The following PPP2R3A variants were observed in gnomAD, a reference collection of about 807,000 sequenced individuals.
PPP2R3A encodes the protein serine/threonine-protein phosphatase 2A regulatory subunit B'' subunit alpha.
Under a neutral mutation model 106.9 loss-of-function variants are expected in PPP2R3A, and 80 were observed. The ratio of observed to expected loss-of-function variants is 0.75; its 90% CI spans 0.62 to 0.90. PPP2R3A has a LOEUF of 0.90. PPP2R3A is among the 40% of genes least tolerant of loss of function. The pLI, the probability that PPP2R3A is intolerant of heterozygous loss-of-function variation, is 0.00. For missense variants in PPP2R3A, 1,386 were observed against 1,350.4 expected, an observed-to-expected ratio of 1.03 and a Z score of -0.41; for synonymous variants, 483 against 468.3, an observed-to-expected ratio of 1.03 and a Z score of -0.41.
chr3:136,001,256 A>T lies in PPP2R3A; in HGVS notation c.-243A>T. ...CTGCAGTATCATAATATTACTAAAT[A>T]AAATTAAAAAGCACAATTATTAAAT... On this transcript the variant is annotated 5_prime_UTR_variant, in exon 2 of 14. Coordinates refer to ENST00000264977, the MANE Select transcript of PPP2R3A (RefSeq NM_002718.5). The T allele has an allele frequency of 2.1e-6, 1 of 479,134 alleles. No individual in the cohort carries two copies. 29.7% of individuals were successfully genotyped at this position (479,134 alleles called of 1,614,324 possible).
At chr3:135,975,091 C>T (rs1200755520) in intron 1 of PPP2R3A, among the ~76,000 whole-genome samples, 1 of 152,228 alleles carries the variant, frequency 6.6e-6, no homozygotes, top group African/African-American at 2.4e-5. Flanking sequence ...CAACATGATA[C>T]ATCTTGGCAG....
chr3:136,056,429 T>C (rs989377631), intron 5 of PPP2R3A, among the ~76,000 whole-genome samples: 4 of 152,130 alleles, frequency 2.6e-5, no homozygotes, highest in Admixed American at 2.0e-4. Flanking sequence ...GCAGGGTATA[T>C]GGGAACTCTC....
At chr3:135,997,805 C>T (rs1051013478) in intron 1 of PPP2R3A, among the ~76,000 whole-genome samples, 6 of 152,136 alleles carry the variant, frequency 3.9e-5, no homozygotes, top group African/African-American at 1.4e-4. Flanking sequence ...TCAGTGCCCT[C>T]CTCTTTGTTA....
At position 136,001,839 on chromosome 3, in the gene PPP2R3A, G is replaced by A; in HGVS notation, c.341G>A (p.Gly114Glu). 6.2e-7 allele frequency: 1 copy of A among 1,614,154 alleles called. No homozygotes were observed. Among genetic ancestry groups the A allele is most frequent in the East Asian group, 2.2e-5 (1 of 44,890 alleles). ...QNTYNLKDIA[G>E]EAISFASGKI... ...ACCTACAACTTAAAGGATATTGCAG[G>A]AGAAGCAATCAGTTTTGCCAGTGGG... The change falls in exon 2 of 14, where the codon GGA becomes GAA. Residue 114 changes from glycine (G) to glutamate (E), a missense_variant. Physicochemically the swap from Gly to Glu is moderately conservative, Grantham distance 98 (BLOSUM62 -2). Transcript: ENST00000264977.
chr3:136,145,031 T>C lies in PPP2R3A; in HGVS notation c.3330-12T>C, dbSNP rs1939057658. On this transcript the variant is annotated splice_polypyrimidine_tract_variant and intron_variant, in intron 13 of 13. Coordinates refer to ENST00000264977, the MANE Select transcript of PPP2R3A (RefSeq NM_002718.5). ...ATCAATCAGTTAATTCACTTTTGCT[T>C]TGTTATTTCAGCTTTGAAGATTATG... 1 of 1,584,096 alleles carries C rather than the reference T, an allele frequency of 6.3e-7. No homozygotes were observed. The highest frequency in any genetic ancestry group is 2.2e-5 in the East Asian group (1 of 44,646).
intron 1 of PPP2R3A, among the ~76,000 whole-genome samples, chr3:135,986,239 A>T (rs938455580): frequency 5.3e-5 from 8 of 152,144 alleles, no homozygotes; most frequent in African/African-American, 1.9e-4. Context: ...ATAACTGCTC[A>T]TGAGTCCCAC....
At chr3:135,994,256 TAGTA>T (rs1933296393) in intron 1 of PPP2R3A, among the ~76,000 whole-genome samples, 1 of 152,210 alleles carries the variant, frequency 6.6e-6, no homozygotes, top group Non-Finnish European at 1.5e-5. Context: ...GAGCTGGAGT[TAGTA>T]AGCCTGGTTT....
chr3:136,073,047 A>G (rs752374596), intron 6 of PPP2R3A, among the ~76,000 whole-genome samples: 17 of 152,128 alleles, frequency 1.1e-4, no homozygotes, highest in Non-Finnish European at 2.4e-4. Flanking sequence ...GGCTCACTGC[A>G]AGCTCCACCT....
rs1937061467 is a variant in PPP2R3A, at chr3:135,965,766, C to G, written c.-524C>G. 1 of 152,184 alleles carries G rather than the reference C, an allele frequency of 6.6e-6. No individual in the cohort carries two copies. Among genetic ancestry groups the G allele is most frequent in the Non-Finnish European group, 1.5e-5 (1 of 68,066 alleles). The allele number at this position is 152,184 out of a possible 1,614,324, so 9.4% of individuals were successfully genotyped here. On this transcript the variant is annotated 5_prime_UTR_variant, in exon 1 of 14. Coordinates refer to ENST00000264977, the MANE Select transcript of PPP2R3A (RefSeq NM_002718.5). Reference sequence around the variant, plus strand: ...CGCTCTTCACGCGCCGCATTCGTAGCCCGAGAGTCCGCGCCGCGGGGAGGC... The same window carrying G: ...CGCTCTTCACGCGCCGCATTCGTAGGCCGAGAGTCCGCGCCGCGGGGAGGC...
At chr3:136,045,836 A>G (rs1200678158) in intron 4 of PPP2R3A, among the ~76,000 whole-genome samples, 2 of 152,260 alleles carry the variant, frequency 1.3e-5, no homozygotes, top group African/African-American at 4.8e-5. Context: ...GCACCAAAAA[A>G]TTCCAGCATG....
intron 10 of PPP2R3A, among the ~76,000 whole-genome samples, chr3:136,092,301 G>C (rs180839931): frequency 1.2e-3 from 177 of 152,242 alleles, no homozygotes; most frequent in African/African-American, 3.6e-3. Flanking sequence ...TTGCACTACA[G>C]CCTGGGTGAC....
intron 5 of PPP2R3A, among the ~76,000 whole-genome samples, chr3:136,062,243 A>G (rs1936102382): frequency 6.6e-6 from 1 of 152,198 alleles, no homozygotes; most frequent in Admixed American, 6.5e-5. Flanking sequence ...AAGTAAACCA[A>G]GAAAGAGGAA....
At chr3:136,096,245 A>C (rs539139204) in intron 10 of PPP2R3A, among the ~76,000 whole-genome samples, 2 of 152,340 alleles carry the variant, frequency 1.3e-5, no homozygotes, top group South Asian at 4.1e-4. Context: ...AATGAAAATC[A>C]AACTCTTATT....
intron 1 of PPP2R3A, among the ~76,000 whole-genome samples, chr3:135,969,343 G>GCT (rs1278544478): frequency 6.6e-6 from 1 of 152,110 alleles, no homozygotes; most frequent in Non-Finnish European, 1.5e-5. Flanking sequence ...TATTTAGGAG[G>GCT]CGTAATTGAT....
chr3:135,974,541 C>G (rs1937357043), intron 1 of PPP2R3A, among the ~76,000 whole-genome samples: 5 of 152,210 alleles, frequency 3.3e-5, no homozygotes, highest in Admixed American at 3.3e-4. Flanking sequence ...CTGCTCTTCC[C>G]TGTGCTTGCT....
At chr3:136,115,215 C>T (rs2107990135) in intron 13 of PPP2R3A, among the ~76,000 whole-genome samples, 1 of 152,110 alleles carries the variant, frequency 6.6e-6, no homozygotes, top group East Asian at 1.9e-4. Flanking sequence ...AAAAGAATAG[C>T]ATGTCTACTC....
At chr3:136,049,064 G>A (rs554546955) in intron 4 of PPP2R3A, among the ~76,000 whole-genome samples, 195 bp from the exon 5 acceptor site, 3 of 152,140 alleles carry the variant, frequency 2.0e-5, no homozygotes, top group South Asian at 4.2e-4. Flanking sequence ...AAGGGAAGAG[G>A]GTCTAATAGA....
intron 13 of PPP2R3A, among the ~76,000 whole-genome samples, chr3:136,119,449 A>C (rs1259912915): frequency 6.6e-6 from 1 of 152,236 alleles, no homozygotes; most frequent in African/African-American, 2.4e-5. Flanking sequence ...AATGGGAGAA[A>C]ATTTTTGCAA....
intron 5 of PPP2R3A, among the ~76,000 whole-genome samples, chr3:136,068,043 G>A (rs1674427134): frequency 1.3e-5 from 2 of 152,136 alleles, no homozygotes; most frequent in Non-Finnish European, 2.9e-5. Context: ...AGGGCAACAT[G>A]GTGAAACCCC....
Sources: gnomAD v4.1 joint callset for allele counts (sites outside exome capture counted in the v4.1 genomes callset) on GRCh38, gnomAD v4.1.1 for gene constraint, MANE v1.5 for transcripts, NCBI Gene and HGNC (gene_info 2026-07-23, HGNC 2026-07-21) for gene names.